Variants in CCND3 observed in about 807,000 individuals in gnomAD.
CCND3 encodes G1/S-specific cyclin-D3.
In CCND3, 9 loss-of-function variants were observed where a neutral mutation model predicts 28.7. The observed-to-expected ratio is 0.31, with a 90% CI of 0.19 to 0.55. CCND3 has a LOEUF of 0.55. CCND3 is among the 20% of genes least tolerant of loss of function. The probability of loss-of-function intolerance (pLI) is 0.93; values close to 1 mark genes in which losing one functional copy is unlikely to be tolerated. For missense variants in CCND3, 315 were observed against 385.8 expected, an observed-to-expected ratio of 0.82 and a Z score of 1.54; for synonymous variants, 164 against 163.9, an observed-to-expected ratio of 1.00 and a Z score of 0.00.
chr6:42,019,488 C>CAAAAA (rs57466823), intron 1 of CCND3, among the ~76,000 whole-genome samples: 2 of 84,774 alleles, frequency 2.4e-5, no homozygotes, highest in Admixed American at 1.3e-4. Context: ...GACTCTGTCT[C>CAAAAA]AAAAAAAAAA....
In CCND3 at chr6:41,941,257, C is replaced by A. The variant is rs1050614341; in HGVS notation, c.198+195G>T. On this transcript the variant is annotated intron_variant, in intron 1 of 4. Transcript: ENST00000372991. The surrounding 1 kb of genome is among the most constrained non-coding windows in gnomAD (Gnocchi z 6.1). ...GTGCCAAGTGACTGGCAGTCACTGT[C>A]GGGAGGAGCCGATTAGGGCTCGGGA... The A allele has an allele frequency of 5.6e-6, 8 of 1,434,012 alleles. No individual in the cohort carries two copies. Among genetic ancestry groups the A allele is most frequent in the Non-Finnish European group, 6.4e-6 (7 of 1,097,842 alleles). 88.8% of individuals were successfully genotyped at this position (1,434,012 alleles called of 1,614,324 possible).
rs1775929674 is a variant in CCND3 at position 41,939,774 on chromosome 6, G to A, written c.414+596C>T. The stretch of plus-strand genomic sequence containing the variant: ...AGCTGCTCCAGTTCCTCAGAATGAG[G>A]ACGAGGAAGGATTAGGAAGAAGCTG... On this transcript the variant is annotated intron_variant, in intron 2 of 4. Coordinates refer to ENST00000372991, the MANE Select transcript of CCND3 (RefSeq NM_001760.5). The surrounding 1 kb of genome is among the most constrained non-coding windows in gnomAD (Gnocchi z 4.2). Among the ~76,000 whole-genome samples, 2 of 152,214 alleles carry A rather than the reference G, an allele frequency of 1.3e-5. No homozygotes were observed. The highest frequency in any genetic ancestry group is 2.1e-4 in the South Asian group (1 of 4,830).
intron 1 of CCND3, among the ~76,000 whole-genome samples, chr6:41,994,781 A>T (rs1033443767): frequency 2.6e-5 from 4 of 152,088 alleles, no homozygotes; most frequent in African/African-American, 7.2e-5. Flanking sequence ...ACTCTAAAAA[A>T]ATAAAATATA....
intron 1 of CCND3, among the ~76,000 whole-genome samples, chr6:42,023,519 T>C (rs376181759): frequency 6.6e-6 from 1 of 152,322 alleles, no homozygotes; most frequent in South Asian, 2.1e-4. Flanking sequence ...CACAGAAACC[T>C]AACCCTGTAT....
chr6:42,041,272 G>A (rs1336425795), intron 1 of CCND3, among the ~76,000 whole-genome samples: 2 of 152,212 alleles, frequency 1.3e-5, no homozygotes, highest in African/African-American at 4.8e-5. Context: ...AAAAGGCTGG[G>A]CCCAGGCCGG....
intron 1 of CCND3, among the ~76,000 whole-genome samples, chr6:42,047,151 G>A (rs1205782219): frequency 1.3e-5 from 2 of 152,206 alleles, no homozygotes; most frequent in Admixed American, 1.3e-4. Flanking sequence ...AAGCCGGAAG[G>A]AGAAGATGTT....
chr6:41,937,578 T>C (rs1775850350), intron 2 of CCND3, 184 bp from the exon 3 acceptor site: 2 of 634,584 alleles, frequency 3.2e-6, no homozygotes, highest in African/African-American at 1.8e-5. Flanking sequence ...AGGAGGCATG[T>C]GCTTTGAGCA....
intron 1 of CCND3, among the ~76,000 whole-genome samples, chr6:41,961,625 C>G (rs187346828): frequency 6.6e-6 from 1 of 151,974 alleles, no homozygotes. Flanking sequence ...GTTAGCCTTC[C>G]GAACTGCTCC....
At chr6:42,037,799 G>A (rs11751476) in intron 1 of CCND3, among the ~76,000 whole-genome samples, 6 of 151,776 alleles carry the variant, frequency 4.0e-5, no homozygotes, top group South Asian at 2.1e-4. Context: ...TTGGGAGGCC[G>A]AGGCGGACGG....
intron 1 of CCND3, among the ~76,000 whole-genome samples, chr6:41,975,834 C>G (rs751397914): frequency 6.6e-6 from 1 of 151,210 alleles, no homozygotes; most frequent in Admixed American, 6.6e-5. Flanking sequence ...TGATTGGAAG[C>G]CATTCTGTTT....
intron 1 of CCND3, among the ~76,000 whole-genome samples, chr6:41,953,344 A>G (rs1016940120): frequency 6.6e-6 from 1 of 151,570 alleles, no homozygotes; most frequent in Non-Finnish European, 1.5e-5. Flanking sequence ...TGTCCCAACT[A>G]TATATACACA....
intron 1 of CCND3, among the ~76,000 whole-genome samples, chr6:42,033,750 G>A (rs968920793): frequency 1.2e-4 from 18 of 151,634 alleles, no homozygotes; most frequent in African/African-American, 4.1e-4. Flanking sequence ...TTGGGAGGCT[G>A]AGGCAGGAGA....
upstream of CCND3, among the ~76,000 whole-genome samples, chr6:41,944,858 GGA>G (rs1171711986): frequency 2.0e-5 from 3 of 152,134 alleles, no homozygotes; most frequent in African/African-American, 7.2e-5. Flanking sequence ...CCTCACCCCT[GGA>G]TGGAATAGCC....
intron 1 of CCND3, among the ~76,000 whole-genome samples, chr6:41,949,367 T>C (rs1446502312): frequency 6.6e-6 from 1 of 152,104 alleles, no homozygotes; most frequent in East Asian, 1.9e-4. Context: ...TAGCTAGGCA[T>C]GGTGACGCAC....
Position 41,936,790 on chromosome 6 carries a change from G to T in CCND3, c.575-95C>A. ...CTCCTTGGAAAGTGCCAGGCAGCAT[G>T]AGTAGAGCAGAGGACATGCTGGAAA... On this transcript the variant is annotated intron_variant, in intron 3 of 4. Transcript: ENST00000372991. This position sits in a 1 kb window ranked among gnomAD's most constrained non-coding sequence, Gnocchi z 4.4. 1 of 1,304,334 alleles carries T rather than the reference G, an allele frequency of 7.7e-7. No individual in the cohort carries two copies. Among genetic ancestry groups the T allele is most frequent in the Non-Finnish European group, 1.1e-6 (1 of 933,458 alleles). The allele number at this position is 1,304,334 out of a possible 1,614,324, so 80.8% of individuals were successfully genotyped here. A position where few individuals can be genotyped will look rare whatever the true frequency, so the allele number is the denominator to read the frequency against.
intron 1 of CCND3, among the ~76,000 whole-genome samples, chr6:42,012,423 T>TAAAATA (rs1284525429): frequency 6.2e-5 from 9 of 146,102 alleles, no homozygotes; most frequent in South Asian, 2.2e-4. Flanking sequence ...ATCTCAACAA[T>TAAAATA]AAAATAAAAA....
chr6:41,993,599 T>TG (rs1762716512), intron 1 of CCND3, among the ~76,000 whole-genome samples: 1 of 151,750 alleles, frequency 6.6e-6, no homozygotes, highest in Admixed American at 6.6e-5. Flanking sequence ...TCAATACAGA[T>TG]GGGGTTTCAC....
At chr6:41,989,460 AAAAAAAC>A (rs1453371621) in intron 1 of CCND3, among the ~76,000 whole-genome samples, 16 of 148,222 alleles carry the variant, frequency 1.1e-4, no homozygotes, top group Non-Finnish European at 2.1e-4. Context: ...GTCTCAAAAA[AAAAAAAC>A]AAAAAAAAAA....
rs545659802 is a variant in CCND3, at chr6:42,003,954, A to T, written c.-46+44547T>A. On this transcript the variant is annotated intron_variant, in intron 1 of 4. Transcript: ENST00000372988. ...ACCCTATCTCAAAAAAAAAAAAAAA[A>T]AAAAGTTTAACATCAAAAAGACTAA... is the stretch of plus-strand genomic sequence containing the variant. 1.7e-3 allele frequency among the ~76,000 whole-genome samples: 265 copies of T among 151,586 alleles called. 1 individual carries two copies. Among genetic ancestry groups the T allele is most frequent in the African/African-American group, 6.0e-3 (248 of 41,414 alleles).
Sources: gnomAD v4.1 joint callset for allele counts (sites outside exome capture counted in the v4.1 genomes callset) on GRCh38, gnomAD v4.1.1 for gene constraint, Gnocchi (gnomAD v3.1) non-coding constraint, MANE v1.5 for transcripts, NCBI Gene and HGNC (gene_info 2026-07-23, HGNC 2026-07-21) for gene names.